SLC24A2: variants seen among roughly 807,000 people sequenced by gnomAD.
SLC24A2 encodes the protein solute carrier family 24 member 2.
A neutral mutation model predicts 62.0 loss-of-function variants in SLC24A2; 36 were observed. That is an observed-to-expected ratio of 0.58 (90% CI 0.44 to 0.77). The LOEUF is 0.77. Among genes scored for constraint, SLC24A2 ranks in the 30% least tolerant of loss-of-function variants. SLC24A2 has a pLI of 0.00. For synonymous variants in SLC24A2, 358 were observed against 294.0 expected, an observed-to-expected ratio of 1.22 and a Z score of -2.23; for missense variants, 846 against 817.9, an observed-to-expected ratio of 1.03 and a Z score of -0.42.
the SLC24A2 span, among the ~76,000 whole-genome samples, chr9:20,035,901 G>C: frequency 6.6e-6 from 1 of 152,202 alleles, no homozygotes; most frequent in African/African-American, 2.4e-5. Context: ...ATCAATAGCA[G>C]AACAGTTATT....
the SLC24A2 span, among the ~76,000 whole-genome samples, chr9:20,118,771 G>A: frequency 6.6e-6 from 1 of 152,096 alleles, no homozygotes; most frequent in Non-Finnish European, 1.5e-5. Flanking sequence ...TATCTCTCAT[G>A]AACATAGATG....
chr9:19,588,984 G>A (rs1264754581), intron 5 of SLC24A2, among the ~76,000 whole-genome samples: 2 of 152,138 alleles, frequency 1.3e-5, no homozygotes, highest in African/African-American at 4.8e-5. Context: ...GCTGTCTGAG[G>A]CTCTGCAATT....
chr9:19,537,127 G>A (rs902219111), intron 8 of SLC24A2, among the ~76,000 whole-genome samples: 12 of 151,106 alleles, frequency 7.9e-5, no homozygotes, highest in African/African-American at 1.5e-4. Context: ...AGTAGGTTGC[G>A]AAAATTTTCT....
chr9:19,826,607 T>C, the SLC24A2 span, among the ~76,000 whole-genome samples: 2 of 152,200 alleles, frequency 1.3e-5, no homozygotes, highest in African/African-American at 4.8e-5. Context: ...TGAAAACTAC[T>C]TCTTCTGGAG....
chr9:20,296,717 A>G, the SLC24A2 span, among the ~76,000 whole-genome samples: 1 of 152,216 alleles, frequency 6.6e-6, no homozygotes, highest in Non-Finnish European at 1.5e-5. Context: ...GTTGCCCATC[A>G]TGGTATTTCA....
At chr9:20,245,516 T>C in the SLC24A2 span, among the ~76,000 whole-genome samples, 1 of 152,118 alleles carries the variant, frequency 6.6e-6, no homozygotes, top group African/African-American at 2.4e-5. Context: ...AAGTGTGGGT[T>C]TGGAGTCAGA....
At chr9:19,636,819 T>C (rs1196587780) in intron 2 of SLC24A2, among the ~76,000 whole-genome samples, 1 of 152,142 alleles carries the variant, frequency 6.6e-6, no homozygotes, top group South Asian at 2.1e-4. Flanking sequence ...TCTAGTTTTG[T>C]GTGTATACAA....
chr9:19,705,060 T>G (rs202170977), intron 2 of SLC24A2, among the ~76,000 whole-genome samples: 1,598 of 152,324 alleles, frequency 0.01, 13 homozygotes, highest in South Asian at 0.043. Flanking sequence ...TATTCATTTC[T>G]GTGAGTTGTC....
the SLC24A2 span, among the ~76,000 whole-genome samples, chr9:20,210,020 T>TA: frequency 2.6e-5 from 4 of 152,162 alleles, no homozygotes; most frequent in Admixed American, 2.6e-4. Flanking sequence ...GCAGACAGCT[T>TA]AATTGAAGGG....
At chr9:20,191,021 G>A in the SLC24A2 span, among the ~76,000 whole-genome samples, 1,762 of 152,184 alleles carry the variant, frequency 0.012, 21 homozygotes, top group South Asian at 0.028. Flanking sequence ...CATTCTTCCC[G>A]TCTCTAAAAC....
At chr9:20,070,818 T>C in the SLC24A2 span, among the ~76,000 whole-genome samples, 1 of 152,194 alleles carries the variant, frequency 6.6e-6, no homozygotes, top group African/African-American at 2.4e-5. Context: ...GTAGAGAGAA[T>C]ACTCCCAGGG....
At chr9:19,518,035 T>C (rs1480957985) in intron 10 of SLC24A2, among the ~76,000 whole-genome samples, 3 of 151,970 alleles carry the variant, frequency 2.0e-5, no homozygotes, top group Non-Finnish European at 4.4e-5. Context: ...AAATGACACT[T>C]TTCATGCCTT....
At chr9:19,968,258 C>A in the SLC24A2 span, among the ~76,000 whole-genome samples, 1 of 152,214 alleles carries the variant, frequency 6.6e-6, no homozygotes, top group Non-Finnish European at 1.5e-5. Flanking sequence ...CAGGGACCCA[C>A]ATGGGCCACA....
chr9:20,048,211 G>T, the SLC24A2 span, among the ~76,000 whole-genome samples: 1 of 152,292 alleles, frequency 6.6e-6, no homozygotes, highest in South Asian at 2.1e-4. Flanking sequence ...TCTCTGTAAT[G>T]CTTAGCACAC....
At chr9:20,061,723 T>C in the SLC24A2 span, among the ~76,000 whole-genome samples, 1 of 152,090 alleles carries the variant, frequency 6.6e-6, no homozygotes, top group East Asian at 1.9e-4. Context: ...GAATTAAAAG[T>C]ATAAAACATT....
At chr9:20,121,350 A>C in the SLC24A2 span, among the ~76,000 whole-genome samples, 1 of 151,984 alleles carries the variant, frequency 6.6e-6, no homozygotes, top group Admixed American at 6.6e-5. Context: ...TGTTAGATTT[A>C]TTTGATGCTA....
chr9:20,164,286 GA>G, the SLC24A2 span, among the ~76,000 whole-genome samples: 8 of 151,166 alleles, frequency 5.3e-5, no homozygotes, highest in African/African-American at 1.7e-4. Context: ...AAATTTACAA[GA>G]AAAAAACAAA....
At chr9:19,765,242 C>G (rs1395881232) in intron 2 of SLC24A2, among the ~76,000 whole-genome samples, 1 of 152,108 alleles carries the variant, frequency 6.6e-6, no homozygotes, top group East Asian at 1.9e-4. Context: ...GGTCTTGACT[C>G]TTTATCCAAT....
At chr9:20,239,023 T>C in the SLC24A2 span, among the ~76,000 whole-genome samples, 22 of 152,132 alleles carry the variant, frequency 1.4e-4, no homozygotes, top group African/African-American at 4.8e-4. Context: ...GAAACTAAAT[T>C]GGCTAAATCC....
Sources: allele counts gnomAD v4.1 joint callset (sites outside exome capture counted in the v4.1 genomes callset), GRCh38; gene constraint gnomAD v4.1.1; transcripts MANE v1.5; gene names NCBI Gene and HGNC (gene_info 2026-07-23, HGNC 2026-07-21).